Variants in ATF7IP observed in about 807,000 individuals in gnomAD.
ATF7IP encodes activating transcription factor 7 interacting protein.
In ATF7IP, 23 loss-of-function variants were observed where a neutral mutation model predicts 106.4. The observed-to-expected ratio is 0.22, with a 90% CI of 0.16 to 0.31. The LOEUF (loss-of-function observed/expected upper bound fraction) is 0.31, where lower values mean the gene tolerates loss of function less well. Ranked by LOEUF, ATF7IP falls within the 10% of genes least tolerant of loss-of-function variation. ATF7IP has a pLI of 1.00. For missense variants in ATF7IP, 1,334 were observed against 1,524.3 expected, an observed-to-expected ratio of 0.88 and a Z score of 2.08; for synonymous variants, 542 against 539.0, an observed-to-expected ratio of 1.01 and a Z score of -0.08.
intron 1 of ATF7IP, among the ~76,000 whole-genome samples, chr12:14,412,721 G>A (rs867297990): frequency 1.3e-5 from 2 of 149,816 alleles, no homozygotes; most frequent in Admixed American, 6.6e-5. Context: ...TTTTTAAGTT[G>A]TATGACTTGT....
chr12:14,434,672 G>A (rs1381074448), intron 3 of ATF7IP, among the ~76,000 whole-genome samples: 1 of 152,128 alleles, frequency 6.6e-6, no homozygotes, highest in African/African-American at 2.4e-5. Flanking sequence ...AATTTACTAA[G>A]TTACTGAGTG....
intron 9 of ATF7IP, 123 bp downstream of exon 9, chr12:14,461,256 A>G: frequency 3.2e-6 from 3 of 930,882 alleles, no homozygotes; most frequent in Non-Finnish European, 4.6e-6. Context: ...AATTTTCTTG[A>G]TTATTTTTAG....
intron 1 of ATF7IP, among the ~76,000 whole-genome samples, chr12:14,406,526 G>A (rs549077096): frequency 5.3e-5 from 8 of 151,468 alleles, no homozygotes; most frequent in African/African-American, 1.9e-4. Context: ...ACTATTTTAA[G>A]ATATTTTAGA....
chr12:14,406,341 C>T (rs1306432438), intron 1 of ATF7IP, among the ~76,000 whole-genome samples: 1 of 151,974 alleles, frequency 6.6e-6, no homozygotes, highest in African/African-American at 2.4e-5. Flanking sequence ...TCATGTGATC[C>T]ACCTGCCTTA....
At chr12:14,389,817 G>A (rs1339722784) in intron 1 of ATF7IP, among the ~76,000 whole-genome samples, 1 of 152,094 alleles carries the variant, frequency 6.6e-6, no homozygotes, top group Non-Finnish European at 1.5e-5. Flanking sequence ...AGTAGAGACT[G>A]GGTTTCTCCA....
chr12:14,473,591 A>G (rs1944142667), intron 10 of ATF7IP, among the ~76,000 whole-genome samples: 1 of 152,050 alleles, frequency 6.6e-6, no homozygotes, highest in Non-Finnish European at 1.5e-5. Context: ...ATAGTCTTTA[A>G]TATTTATCCT....
At chr12:14,386,972 A>AT (rs374714107) in intron 1 of ATF7IP, among the ~76,000 whole-genome samples, 5 of 151,852 alleles carry the variant, frequency 3.3e-5, no homozygotes, top group African/African-American at 7.3e-5. Flanking sequence ...TGTTATTTAC[A>AT]TTTTTTTTAA....
In ATF7IP at chr12:14,498,059, A is replaced by G. The variant is rs1254957553; in HGVS notation, c.3799A>G (p.Thr1267Ala). ...TCAGTCAACAGATGTGATCTCTTCTACCCAGAGCAGTTAAACCTTGGAGCC... is the reference window on the plus strand; with the variant it reads ...TCAGTCAACAGATGTGATCTCTTCTGCCCAGAGCAGTTAAACCTTGGAGCC... ...DPQSTDVISS[T>A]QSS Residue 1267 changes from threonine (T) to alanine (A), a missense_variant, in exon 15 of 15, where the codon ACC becomes GCC. Transcript: ENST00000261168. 7.6e-6 allele frequency: 12 copies of G among 1,585,288 alleles called. No homozygotes were observed. Among genetic ancestry groups the G allele is most frequent in the Non-Finnish European group, 1.0e-5 (12 of 1,160,326 alleles).
intron 2 of ATF7IP, among the ~76,000 whole-genome samples, chr12:14,431,282 T>C (rs1942109536): frequency 6.6e-6 from 1 of 151,984 alleles, no homozygotes. Flanking sequence ...GGAAAGAATA[T>C]GGAACTATGA....
chr12:14,369,317 G>C (rs967991809), intron 1 of ATF7IP: 2 of 151,886 alleles, frequency 1.3e-5, no homozygotes, highest in Non-Finnish European at 2.9e-5. Flanking sequence ...AATATTACCT[G>C]TTGTAAGGTG....
chr12:14,390,116 G>T (rs1939464513), intron 1 of ATF7IP, among the ~76,000 whole-genome samples: 1 of 152,044 alleles, frequency 6.6e-6, no homozygotes, highest in Non-Finnish European at 1.5e-5. Flanking sequence ...TTACCTGCGT[G>T]GCCTTGGAAG....
In ATF7IP at chr12:14,425,508, T is replaced by G. The variant is rs746855139; in HGVS notation, c.1558+35T>G. 2.0e-6 allele frequency: 3 copies of G among 1,488,992 alleles called. No individual in the cohort carries two copies. In the African/African-American group the frequency reaches 4.2e-5, roughly 21 times the overall value. The allele number at this position is 1,488,992 out of a possible 1,614,324, so 92.2% of individuals were successfully genotyped here. A position where few individuals can be genotyped will look rare whatever the true frequency, so the allele number is the denominator to read the frequency against. On this transcript the variant is annotated intron_variant, in intron 2 of 14. Transcript: ENST00000261168. ...TAACTTAAATGTTAAAGATTTTTTATTGACTTTGATGAACTGTTTAATAAA... is the reference window on the plus strand; with the variant it reads ...TAACTTAAATGTTAAAGATTTTTTAGTGACTTTGATGAACTGTTTAATAAA...
At chr12:14,383,255 G>A (rs1048234883) in intron 1 of ATF7IP, among the ~76,000 whole-genome samples, 2 of 152,200 alleles carry the variant, frequency 1.3e-5, no homozygotes, top group Non-Finnish European at 2.9e-5. Context: ...GGTAGACTAT[G>A]TTTAGACTAA....
chr12:14,491,133 A>G (rs1422014913), intron 13 of ATF7IP, among the ~76,000 whole-genome samples: 1 of 152,036 alleles, frequency 6.6e-6, no homozygotes, highest in Non-Finnish European at 1.5e-5. Flanking sequence ...GCTGGGTCCT[A>G]TGGTCCAAGT....
intron 10 of ATF7IP, among the ~76,000 whole-genome samples, chr12:14,468,236 C>A (rs950332316): frequency 6.7e-6 from 1 of 149,694 alleles, no homozygotes; most frequent in Non-Finnish European, 1.5e-5. Context: ...CCACTTTACT[C>A]CAGCCTGGGT....
chr12:14,385,214 T>A, intron 1 of ATF7IP: 1 of 513,244 alleles, frequency 1.9e-6, no homozygotes, highest in Non-Finnish European at 3.4e-6. Context: ...TGGGAGGGGC[T>A]TTGTTTGTTA....
rs1945101903 is a variant in ATF7IP, at chr12:14,499,331, C to T, written c.*1258C>T. The T allele has an allele frequency of 6.6e-6, 1 of 152,180 alleles. No homozygotes were observed. Among genetic ancestry groups the T allele is most frequent in the Admixed American group, 6.5e-5 (1 of 15,280 alleles). 9.4% of individuals were successfully genotyped at this position (152,180 alleles called of 1,614,324 possible). A position where few individuals can be genotyped will look rare whatever the true frequency, so the allele number is the denominator to read the frequency against. On this transcript the variant is annotated 3_prime_UTR_variant, in exon 15 of 15. Transcript: ENST00000261168. ...GCTTTTATTTTTGGTCACTATTTAA[C>T]TTTGTGTAAAGTGGACCAAGAGAAA...
At chr12:14,456,741 GTGTT>G (rs1279905496) in intron 7 of ATF7IP, 107 bp downstream of exon 7, 15 of 773,750 alleles carry the variant, frequency 1.9e-5, no homozygotes, top group Non-Finnish European at 2.7e-5. Flanking sequence ...GTAGAAATAA[GTGTT>G]TGGTGTACTT....
intron 13 of ATF7IP, chr12:14,481,562 T>A (rs573644746): frequency 1.1e-4 from 47 of 412,608 alleles, no homozygotes; most frequent in South Asian, 8.5e-4. Flanking sequence ...AAAAAAGAAA[T>A]GGCAGTATAA....
Sources: allele counts gnomAD v4.1 joint callset (sites outside exome capture counted in the v4.1 genomes callset), GRCh38; gene constraint gnomAD v4.1.1; transcripts MANE v1.5; gene names NCBI Gene and HGNC (gene_info 2026-07-23, HGNC 2026-07-21).